The following DDX19A variants were observed in gnomAD, a reference collection of about 807,000 sequenced individuals.
DDX19A encodes the protein ATP-dependent RNA helicase DDX19A.
Under a neutral mutation model 60.6 loss-of-function variants are expected in DDX19A, and 12 were observed. That is an observed-to-expected ratio of 0.20 (90% CI 0.13 to 0.32). DDX19A has a LOEUF of 0.32. DDX19A is among the 10% of genes least tolerant of loss of function. The pLI, the probability that DDX19A is intolerant of heterozygous loss-of-function variation, is 1.00. For missense variants in DDX19A, 337 were observed against 600.6 expected (o/e 0.56, Z 4.59); for synonymous variants, 206 against 218.2 (o/e 0.94, Z 0.49).
intron 4 of DDX19A, among the ~76,000 whole-genome samples, chr16:70,359,853 G>A (rs7189474): frequency 0.58 from 87,519 of 151,992 alleles, 26,537 homozygotes; most frequent in African/African-American, 0.78. Context: ...ACGTCTCTCA[G>A]AAAGAAGTAG....
At chr16:70,356,832 T>G (rs1325784566) in intron 4 of DDX19A, 1 of 1,218,112 alleles carries the variant, frequency 8.2e-7, no homozygotes, top group South Asian at 1.4e-5. Context: ...GTCTTATTTC[T>G]CTTATACTCT....
intron 5 of DDX19A, among the ~76,000 whole-genome samples, chr16:70,363,130 G>A (rs1010336710): frequency 6.6e-6 from 1 of 151,812 alleles, no homozygotes; most frequent in South Asian, 2.1e-4. Context: ...GGGATTATAG[G>A]CATGTGTTAC....
intron 4 of DDX19A, chr16:70,356,960 A>G: frequency 9.4e-7 from 1 of 1,059,834 alleles, no homozygotes. Flanking sequence ...CAAAAAAAAA[A>G]AAAAAAGGCC....
In DDX19A at chr16:70,371,727, G is replaced by A. The variant is rs185119317; in HGVS notation, c.1375+164G>A. Among the ~76,000 whole-genome samples the A allele has an allele frequency of 3.4e-3, 521 of 152,218 alleles. 7 individuals are homozygous for A. The highest frequency in any genetic ancestry group is 0.012 in the African/African-American group (484 of 41,538). On this transcript the variant is annotated intron_variant, in intron 11 of 11. Coordinates refer to ENST00000302243, the MANE Select transcript of DDX19A (RefSeq NM_018332.5). ...TCAGGGAGCACACCTGGAGACTTCAGGACCCAGGGACTCCAAGGACAGCTC... is the reference window on the plus strand; with the variant it reads ...TCAGGGAGCACACCTGGAGACTTCAAGACCCAGGGACTCCAAGGACAGCTC...
chr16:70,360,394 C>A (rs1399745780), intron 4 of DDX19A, among the ~76,000 whole-genome samples: 2 of 147,056 alleles, frequency 1.4e-5, no homozygotes, highest in African/African-American at 5.1e-5. Flanking sequence ...AATCATGGCT[C>A]GCTATAGTCT....
chr16:70,352,339 C>T (rs987705236), intron 2 of DDX19A, among the ~76,000 whole-genome samples: 16 of 146,594 alleles, frequency 1.1e-4, no homozygotes, highest in African/African-American at 4.1e-4. Flanking sequence ...GGCTGGAGTG[C>T]AGTGGTGCAA....
intron 2 of DDX19A, among the ~76,000 whole-genome samples, chr16:70,355,259 C>T (rs1333995518): frequency 1.3e-5 from 2 of 152,116 alleles, no homozygotes; most frequent in Admixed American, 1.3e-4. Flanking sequence ...TGCCTAATCC[C>T]AGCTACTCAG....
rs757169061 is a variant in DDX19A at position 70,355,561 on chromosome 16, A to T, written c.157+26A>T. On this transcript the variant is annotated intron_variant, in intron 3 of 11. Transcript: ENST00000302243. ...GTAACTACTTTTGGATGCCCTTGGC[A>T]AGAGACGGTATGACCCAGGGCTTGC... 1.9e-6 allele frequency: 3 copies of T among 1,606,666 alleles called. No individual in the cohort carries two copies. The Admixed American group carries it at 5.0e-5, about 27-fold the overall frequency.
chr16:70,369,469 C>T (rs1457802608), intron 9 of DDX19A, among the ~76,000 whole-genome samples: 6 of 151,486 alleles, frequency 4.0e-5, no homozygotes, highest in East Asian at 1.9e-4. Context: ...TGAGCCACCG[C>T]GCCTGGCCCC....
At chr16:70,362,357 A>C (rs1285025889) in intron 5 of DDX19A, among the ~76,000 whole-genome samples, 1 of 151,814 alleles carries the variant, frequency 6.6e-6, no homozygotes, top group African/African-American at 2.4e-5. Flanking sequence ...AAAAAAAAAA[A>C]AAAAACTGGG....
At chr16:70,365,243 C>T (rs1284932897) in intron 7 of DDX19A, 112 bp downstream of exon 7, 1 of 675,412 alleles carries the variant, frequency 1.5e-6, no homozygotes, top group Non-Finnish European at 2.6e-6. Context: ...ACCCTGGAGC[C>T]TAACTGTGTT....
chr16:70,352,634 A>ATT (rs11294947), intron 2 of DDX19A, among the ~76,000 whole-genome samples: 41 of 86,130 alleles, frequency 4.8e-4, no homozygotes, highest in East Asian at 3.6e-3. Context: ...ATCTACCACG[A>ATT]TTTTTTTTTT....
At chr16:70,354,812 A>G (rs1964132320) in intron 2 of DDX19A, among the ~76,000 whole-genome samples, 1 of 152,096 alleles carries the variant, frequency 6.6e-6, no homozygotes. Context: ...AGCTGGGAAT[A>G]GTGGTGCATG....
chr16:70,347,393 A>T, intron 1 of DDX19A: 2 of 309,572 alleles, frequency 6.5e-6, no homozygotes, highest in Non-Finnish European at 6.1e-6. Flanking sequence ...TTTCTGTACT[A>T]CTCTGTATTT....
In DDX19A at chr16:70,366,814, A is replaced by T; in HGVS notation, c.973A>T (p.Asn325Tyr). ...AGACGAGAAGTTCCAGGCCTTGTGT[A>T]ACCTCTACGGGGCCATCACCATTGC... ...SRDEKFQALC[N>Y]LYGAITIAQA... The change falls in exon 9 of 12, where the codon AAC (asparagine) becomes TAC (tyrosine). Residue 325 changes from asparagine to tyrosine, a missense_variant. Physicochemically the swap from Asn to Tyr is moderately radical, Grantham distance 143. Transcript: ENST00000302243. 6.2e-7 allele frequency: 1 copy of T among 1,614,086 alleles called. No homozygotes were observed. Among genetic ancestry groups the T allele is most frequent in the Non-Finnish European group, 8.5e-7 (1 of 1,179,944 alleles).
At position 70,347,253 on chromosome 16, in the gene DDX19A, T is replaced by C. The variant is rs780882291; in HGVS notation, c.57+205T>C. The C allele has an allele frequency of 1.7e-5, 10 of 589,574 alleles. No homozygotes were observed. The South Asian group carries it at 2.1e-4, about 12-fold the overall frequency. 36.5% of individuals were successfully genotyped at this position (589,574 alleles called of 1,614,324 possible). On this transcript the variant is annotated intron_variant, in intron 1 of 11. Transcript: ENST00000302243. ...ATCTCCATCTGGGCTGGTTAAGGAC[T>C]TCATCCTTTGGTAAATCCGCCCCAC...
intron 2 of DDX19A, among the ~76,000 whole-genome samples, chr16:70,354,443 A>G (rs753581348): frequency 6.6e-6 from 1 of 152,150 alleles, no homozygotes. Context: ...CGCTGTGCCC[A>G]GCCACCAATT....
chr16:70,362,839 C>T (rs1222054649), intron 5 of DDX19A, among the ~76,000 whole-genome samples: 1 of 151,682 alleles, frequency 6.6e-6, no homozygotes, highest in East Asian at 1.9e-4. Flanking sequence ...TGGTGAAACC[C>T]CGTCTCTACA....
chr16:70,369,416 G>A (rs1227451877), intron 9 of DDX19A, among the ~76,000 whole-genome samples: 4 of 151,106 alleles, frequency 2.6e-5, no homozygotes, highest in Non-Finnish European at 5.9e-5. Context: ...CTGACCTCGC[G>A]ATCGGCCCAC....
Sources: allele counts gnomAD v4.1 joint callset (sites outside exome capture counted in the v4.1 genomes callset), GRCh38; gene constraint gnomAD v4.1.1; transcripts MANE v1.5; gene names NCBI Gene and HGNC (gene_info 2026-07-23, HGNC 2026-07-21).